CDH20: variants seen among roughly 807,000 people sequenced by gnomAD.
CDH20 encodes the protein cadherin 20.
Under a neutral mutation model 74.2 loss-of-function variants are expected in CDH20, and 29 were observed. That is an observed-to-expected ratio of 0.39 (90% confidence interval 0.29 to 0.53). CDH20 has a LOEUF of 0.53. Among genes scored for constraint, CDH20 ranks in the 20% least tolerant of loss-of-function variants. CDH20 has a pLI of 0.69. For synonymous variants in CDH20, 469 were observed against 405.4 expected, an observed-to-expected ratio of 1.16 and a Z score of -1.88; for missense variants, 988 against 1,048.3, an observed-to-expected ratio of 0.94 and a Z score of 0.79.
intron 2 of CDH20, among the ~76,000 whole-genome samples, chr18:61,496,649 G>C (rs1299282938): frequency 6.6e-6 from 1 of 152,172 alleles, no homozygotes; most frequent in African/African-American, 2.4e-5. Context: ...CTCACCTGCG[G>C]CCTGCCGGGA....
intron 1 of CDH20, among the ~76,000 whole-genome samples, chr18:61,397,742 A>G (rs1390081092): frequency 6.6e-6 from 1 of 152,190 alleles, no homozygotes; most frequent in Non-Finnish European, 1.5e-5. Context: ...CTAGCCGTGT[A>G]ACCTTAGGCA....
At chr18:61,551,805 T>C (rs1411000749) in intron 11 of CDH20, among the ~76,000 whole-genome samples, 2 of 152,158 alleles carry the variant, frequency 1.3e-5, no homozygotes, top group African/African-American at 2.4e-5. Flanking sequence ...CTTACTTCTA[T>C]CTTTGGAAAA....
chr18:61,334,532 G>A (rs1386866316), intron 1 of CDH20: 1 of 152,532 alleles, frequency 6.6e-6, no homozygotes, highest in African/African-American at 2.4e-5. Flanking sequence ...GTTACTCTGG[G>A]GGAAGAGCCG....
intron 1 of CDH20, among the ~76,000 whole-genome samples, chr18:61,433,916 A>G (rs545968226): frequency 6.6e-6 from 1 of 152,270 alleles, no homozygotes; most frequent in Admixed American, 6.5e-5. Context: ...CCTTAGAAAC[A>G]AATTCAGCAG....
At chr18:61,550,836 C>T (rs1913409859) in intron 11 of CDH20, among the ~76,000 whole-genome samples, 1 of 152,204 alleles carries the variant, frequency 6.6e-6, no homozygotes, top group Admixed American at 6.5e-5. Flanking sequence ...ATAGACGCCA[C>T]TTCAAACAGG....
At chr18:61,389,868 G>A (rs964140235) in intron 1 of CDH20, among the ~76,000 whole-genome samples, 2 of 152,118 alleles carry the variant, frequency 1.3e-5, no homozygotes, top group African/African-American at 2.4e-5. Context: ...GAAGGAGCTG[G>A]ATCCTGCAAG....
intron 1 of CDH20, among the ~76,000 whole-genome samples, chr18:61,470,418 C>A (rs1485476164): frequency 2.6e-5 from 4 of 152,170 alleles, no homozygotes; most frequent in Non-Finnish European, 1.5e-5. Context: ...TTTGTTCTGG[C>A]AATTATTGCA....
intron 1 of CDH20, 110 bp downstream of exon 1, chr18:61,333,937 G>T (rs1909659922): frequency 6.6e-6 from 1 of 152,386 alleles, no homozygotes. Context: ...GTCCCTCTCC[G>T]CGCTGTGCTC....
intron 1 of CDH20, among the ~76,000 whole-genome samples, chr18:61,427,906 G>C (rs1276958134): frequency 6.6e-6 from 1 of 152,152 alleles, no homozygotes; most frequent in Non-Finnish European, 1.5e-5. Context: ...AACAATGCCA[G>C]GTTTATGTTA....
chr18:61,539,970 A>G (rs1273339699), intron 9 of CDH20, among the ~76,000 whole-genome samples: 4 of 152,226 alleles, frequency 2.6e-5, no homozygotes, highest in African/African-American at 9.6e-5. Flanking sequence ...ATGCCCTTAA[A>G]CCTAACTGAA....
intron 2 of CDH20, among the ~76,000 whole-genome samples, chr18:61,493,194 G>T (rs1682780751): frequency 6.6e-6 from 1 of 152,066 alleles, no homozygotes. Context: ...ACCTTCACGT[G>T]CAATCGGTCC....
At chr18:61,499,559 C>G (rs1220554475) in intron 3 of CDH20, 79 bp downstream of exon 3, 4 of 1,101,072 alleles carry the variant, frequency 3.6e-6, no homozygotes, top group Non-Finnish European at 5.3e-6. Context: ...CACATGCACA[C>G]ACACATGTAG....
At chr18:61,439,459 T>C (rs1031414682) in intron 1 of CDH20, among the ~76,000 whole-genome samples, 1 of 152,158 alleles carries the variant, frequency 6.6e-6, no homozygotes, top group African/African-American at 2.4e-5. Context: ...GTCTAGATTC[T>C]GAAACTCTCA....
intron 1 of CDH20, among the ~76,000 whole-genome samples, chr18:61,423,320 T>C (rs1025737141): frequency 5.9e-5 from 9 of 152,186 alleles, no homozygotes; most frequent in South Asian, 2.1e-4. Flanking sequence ...CTCAGTGTTA[T>C]AGAGACACAG....
chr18:61,338,378 A>G (rs541045712), intron 1 of CDH20, among the ~76,000 whole-genome samples: 2 of 152,198 alleles, frequency 1.3e-5, no homozygotes, highest in Non-Finnish European at 2.9e-5. Context: ...CTTGCTAACC[A>G]GGACTCTCTA....
At chr18:61,418,627 C>A (rs1306912035) in intron 1 of CDH20, among the ~76,000 whole-genome samples, 2 of 146,502 alleles carry the variant, frequency 1.4e-5, no homozygotes, top group East Asian at 4.1e-4. Context: ...TTTACCATTT[C>A]TCCCCTGGAC....
intron 1 of CDH20, among the ~76,000 whole-genome samples, chr18:61,413,744 G>A (rs1234157143): frequency 1.3e-5 from 2 of 151,996 alleles, no homozygotes; most frequent in Admixed American, 6.5e-5. Flanking sequence ...GGAAATCCCT[G>A]CAATGAATGG....
At chr18:61,529,977 C>T (rs1326760530) in intron 7 of CDH20, among the ~76,000 whole-genome samples, 2 of 152,114 alleles carry the variant, frequency 1.3e-5, no homozygotes, top group Non-Finnish European at 2.9e-5. Context: ...GCCAGAGGCA[C>T]AGGGCAGGGT....
At chr18:61,535,546 A>G (rs1599153589) in intron 7 of CDH20, among the ~76,000 whole-genome samples, 1 of 152,128 alleles carries the variant, frequency 6.6e-6, no homozygotes, top group East Asian at 1.9e-4. Context: ...TGGATTGCCA[A>G]ATCAGGTTCA....
Sources: allele counts gnomAD v4.1 joint callset (sites outside exome capture counted in the v4.1 genomes callset), GRCh38; gene constraint gnomAD v4.1.1; transcripts MANE v1.5; gene names NCBI Gene and HGNC (gene_info 2026-07-23, HGNC 2026-07-21).